The following NEXMIF variants were observed in gnomAD, a reference collection of about 807,000 sequenced individuals.
The protein encoded by NEXMIF is neurite extension and migration factor, also known as XLMR protein related to neurite extension.
NEXMIF carries 8 observed loss-of-function variants against 62.1 expected under a neutral mutation model. The ratio of observed to expected loss-of-function variants is 0.13; its 90% CI spans 0.08 to 0.23. The LOEUF (loss-of-function observed/expected upper bound fraction) is 0.23. Among genes scored for constraint, NEXMIF ranks in the 10% least tolerant of loss-of-function variants. The pLI, the probability that NEXMIF is intolerant of heterozygous loss-of-function variation, is 1.00. For missense variants in NEXMIF, 976 were observed against 1,113.3 expected (o/e 0.88, Z 1.75); for synonymous variants, 404 against 416.6 (o/e 0.97, Z 0.37).
At chrX:74,802,698 C>T (rs1246367322) in intron 1 of NEXMIF, among the ~76,000 whole-genome samples, 2 of 110,561 alleles carry the variant, frequency 1.8e-5, no homozygotes, top group Non-Finnish European at 3.8e-5. Flanking sequence ...AACATAACCA[C>T]ACCAAATGAA....
intron 1 of NEXMIF, among the ~76,000 whole-genome samples, chrX:74,809,347 G>T (rs1364435737): frequency 4.5e-5 from 5 of 112,215 alleles, no homozygotes; most frequent in African/African-American, 1.6e-4. Context: ...GTGCCCAGAT[G>T]AAGGCAAAGG....
At chrX:74,801,279 C>T (rs899129118) in intron 1 of NEXMIF, among the ~76,000 whole-genome samples, 2 of 111,931 alleles carry the variant, frequency 1.8e-5, no homozygotes, top group Admixed American at 1.9e-4. Flanking sequence ...CTACTATAAA[C>T]ACTCGTGCAG....
intron 1 of NEXMIF, among the ~76,000 whole-genome samples, chrX:74,776,874 C>T (rs889214676): frequency 9.0e-6 from 1 of 111,494 alleles, no homozygotes; most frequent in Admixed American, 9.6e-5. Flanking sequence ...ATTTCTCCAA[C>T]ATAACCTTAG....
intron 1 of NEXMIF, among the ~76,000 whole-genome samples, chrX:74,820,369 G>A (rs1234805600): frequency 9.0e-6 from 1 of 110,530 alleles, no homozygotes; most frequent in Admixed American, 9.6e-5. Context: ...ATGCTGGCAA[G>A]GTTGTGGAGA....
At position 74,788,697 on chromosome X, in the gene NEXMIF, T is replaced by C. The variant is rs755474417; in HGVS notation, c.-47-43000A>G. On this transcript the variant is annotated intron_variant, in intron 1 of 3. Transcript: ENST00000055682. ...TTAGCTGTTGGGATACTTGCCAACA[T>C]GAAACCCAAGCCTAACTTCCTGAAG... is the stretch of plus-strand genomic sequence containing the variant. Among the ~76,000 whole-genome samples, 5 of 111,619 alleles carry C rather than the reference T, an allele frequency of 4.5e-5. No individual in the cohort carries two copies. In the East Asian group the frequency reaches 1.4e-3, roughly 32 times the overall value.
chrX:74,879,259 G>A (rs1236357939), intron 1 of NEXMIF, among the ~76,000 whole-genome samples: 2 of 111,800 alleles, frequency 1.8e-5, no homozygotes, highest in Non-Finnish European at 3.8e-5. Context: ...CTATTTTTAA[G>A]TGATGCATGA....
intron 1 of NEXMIF, among the ~76,000 whole-genome samples, chrX:74,757,394 C>G (rs2080162650): frequency 8.9e-6 from 1 of 111,940 alleles, no homozygotes; most frequent in African/African-American, 3.2e-5. Flanking sequence ...TCATCATATT[C>G]TTCAATTCAT....
At chrX:74,832,890 G>T (rs181418853) in intron 1 of NEXMIF, among the ~76,000 whole-genome samples, 21 of 111,863 alleles carry the variant, frequency 1.9e-4, no homozygotes, top group African/African-American at 6.2e-4. Flanking sequence ...TCATTAGGAA[G>T]AACATTGTTT....
intron 1 of NEXMIF, among the ~76,000 whole-genome samples, chrX:74,922,491 T>C (rs1259350709): frequency 1.8e-5 from 2 of 112,406 alleles, no homozygotes; most frequent in Non-Finnish European, 3.8e-5. Flanking sequence ...AGAGCTGTTA[T>C]TTAGGCAAAT....
chrX:74,824,892 C>T (rs977823629), intron 1 of NEXMIF, among the ~76,000 whole-genome samples: 2 of 110,865 alleles, frequency 1.8e-5, no homozygotes, highest in African/African-American at 6.6e-5. Context: ...TCGTGATCCG[C>T]CCACCTCGGC....
intron 1 of NEXMIF, among the ~76,000 whole-genome samples, chrX:74,870,495 G>A (rs946556269): frequency 9.0e-6 from 1 of 111,516 alleles, no homozygotes; most frequent in African/African-American, 3.3e-5. Context: ...AAAAGCTTCT[G>A]CACAGCAAAG....
rs143825636 is a variant in NEXMIF at position 74,745,530 on chromosome X, T to G, written c.79+42A>C. On this transcript the variant is annotated intron_variant, in intron 2 of 3. Transcript: ENST00000055682. ...AAAATCCATAGTAATAACAGAGGAC[T>G]ACCAGGAGAGATATTAATATACTAT... The G allele has an allele frequency of 1.9e-3, 1,755 of 946,443 alleles. 23 individuals carry two copies. In the African/African-American group the frequency reaches 0.031, roughly 17 times the overall value. 78.0% of individuals were successfully genotyped at this position (946,443 alleles called of 1,213,427 possible). A position where few individuals can be genotyped will look rare whatever the true frequency, so the allele number is the denominator to read the frequency against.
At chrX:74,863,461 C>CA (rs1027108781) in intron 1 of NEXMIF, among the ~76,000 whole-genome samples, 1 of 111,399 alleles carries the variant, frequency 9.0e-6, no homozygotes, top group African/African-American at 3.3e-5. Context: ...CACAGAAATA[C>CA]AAAAAACCAT....
At chrX:74,847,548 C>T (rs910633022) in intron 1 of NEXMIF, among the ~76,000 whole-genome samples, 5 of 111,679 alleles carry the variant, frequency 4.5e-5, no homozygotes, top group African/African-American at 6.5e-5. Context: ...TAAGTAACAT[C>T]GGTTTTGTGA....
chrX:74,764,114 T>C (rs1433034402), intron 1 of NEXMIF, among the ~76,000 whole-genome samples: 1 of 111,705 alleles, frequency 9.0e-6, no homozygotes, highest in East Asian at 2.8e-4. Flanking sequence ...TTGTCATAGA[T>C]AGCTCTTATT....
intron 1 of NEXMIF, among the ~76,000 whole-genome samples, chrX:74,829,757 AGAT>A (rs1008220290): frequency 4.5e-5 from 5 of 111,853 alleles, no homozygotes; most frequent in Non-Finnish European, 9.4e-5. Flanking sequence ...AACTGGGGTG[AGAT>A]GATATCTTCT....
Position 74,736,139 on chromosome X carries a change from C to T in NEXMIF, c.*3266G>A, listed in dbSNP as rs765632295. The T allele has an allele frequency of 9.0e-6, 1 of 110,978 alleles. No individual in the cohort carries two copies. Among genetic ancestry groups the T allele is most frequent in the East Asian group, 2.8e-4 (1 of 3,557 alleles). The allele number at this position is 110,978 out of a possible 1,213,427, so 9.1% of individuals were successfully genotyped here. Reference sequence around the variant, plus strand: ...AGATTTCAACACTAAGCAATATATCCATGTAACACAACTGTCCTTGTACCC... The same window carrying T: ...AGATTTCAACACTAAGCAATATATCTATGTAACACAACTGTCCTTGTACCC... On this transcript the variant is annotated 3_prime_UTR_variant, in exon 4 of 4. Transcript: ENST00000055682.
At chrX:74,789,190 G>C (rs1328451640) in intron 1 of NEXMIF, among the ~76,000 whole-genome samples, 1 of 95,569 alleles carries the variant, frequency 1.0e-5, no homozygotes, top group Non-Finnish European at 2.0e-5. Context: ...TGTTCTCATT[G>C]TTCAATTCCC....
At chrX:74,747,195 C>T (rs952473044) in intron 1 of NEXMIF, among the ~76,000 whole-genome samples, 2 of 112,014 alleles carry the variant, frequency 1.8e-5, no homozygotes, top group Non-Finnish European at 3.8e-5. Flanking sequence ...TCCATCTTGG[C>T]AGGAACTTGA....
Sources: gnomAD v4.1 joint callset for allele counts (sites outside exome capture counted in the v4.1 genomes callset) on GRCh38, gnomAD v4.1.1 for gene constraint, MANE v1.5 for transcripts, NCBI Gene and HGNC (gene_info 2026-07-23, HGNC 2026-07-21) for gene names.